The following MYO5A variants were observed in gnomAD, a reference collection of about 807,000 sequenced individuals.
MYO5A encodes the protein unconventional myosin-Va.
In MYO5A, 98 loss-of-function variants were observed where a neutral mutation model predicts 249.7. The observed-to-expected ratio is 0.39, with a 90% CI of 0.33 to 0.46. The LOEUF is 0.46. MYO5A is among the 20% of genes least tolerant of loss of function. MYO5A has a pLI of 0.98. For missense variants in MYO5A, 1,696 were observed against 2,308.8 expected (o/e 0.73, Z 5.44); for synonymous variants, 778 against 810.6 (o/e 0.96, Z 0.68).
intron 1 of MYO5A, among the ~76,000 whole-genome samples, chr15:52,523,691 G>A (rs927464016): frequency 5.9e-5 from 9 of 152,266 alleles, no homozygotes; most frequent in South Asian, 2.1e-4. Flanking sequence ...AGAAGAAGTC[G>A]AATGTGAAAG....
chr15:52,407,278 T>C lies in MYO5A; in HGVS notation c.946+14A>G, dbSNP rs1018816796. On this transcript the variant is annotated intron_variant, in intron 8 of 41. Transcript: ENST00000399233. ...GCTATTCCTCTTAAGAGCTCAAGAA[T>C]AAAGTGACATTACCTAGCAAAGTGC... The C allele has an allele frequency of 2.5e-6, 4 of 1,586,126 alleles. No individual in the cohort carries two copies. The highest frequency in any genetic ancestry group is 1.7e-5 in the Admixed American group (1 of 59,938).
intron 23 of MYO5A, among the ~76,000 whole-genome samples, chr15:52,366,379 T>C (rs2040806935): frequency 6.6e-6 from 1 of 152,050 alleles, no homozygotes; most frequent in South Asian, 2.1e-4. Flanking sequence ...ATTATTTTCA[T>C]ATAATATATC....
chr15:52,327,721 G>A, intron 36 of MYO5A, 131 bp downstream of exon 36: 1 of 955,692 alleles, frequency 1.0e-6, no homozygotes, highest in Non-Finnish European at 1.7e-6. Context: ...AAATAGATAG[G>A]TAAGTAAATA....
chr15:52,464,239 C>A (rs188290614), intron 1 of MYO5A, among the ~76,000 whole-genome samples: 5 of 152,204 alleles, frequency 3.3e-5, no homozygotes, highest in African/African-American at 1.2e-4. Flanking sequence ...CTATACTCTA[C>A]GATGTACTAT....
Position 52,449,248 on chromosome 15 carries a change from C to T in MYO5A, c.28-15963G>A, listed in dbSNP as rs566382739. 1.5e-4 allele frequency among the ~76,000 whole-genome samples: 23 copies of T among 152,156 alleles called. 1 individual carries two copies. The South Asian group carries it at 4.2e-3, about 27-fold the overall frequency. On this transcript the variant is annotated intron_variant, in intron 1 of 41. Coordinates refer to ENST00000399233, the MANE Select transcript of MYO5A (RefSeq NM_001382347.1). The stretch of plus-strand genomic sequence containing the variant: ...CCTCCCAAAGTGCTGGGATTACAGG[C>T]GTGAGCCACTGCGCCCGGCCTCAGG...
chr15:52,339,524 A>G (rs970460853), intron 32 of MYO5A, among the ~76,000 whole-genome samples: 2 of 146,612 alleles, frequency 1.4e-5, no homozygotes, highest in East Asian at 2.0e-4. Flanking sequence ...TTGGCAAAAG[A>G]AAAAAAAAAA....
rs2039628891 is a variant in MYO5A, at chr15:52,346,376, A to C, written c.3944T>G (p.Leu1315Trp). The C allele has an allele frequency of 6.3e-7, 1 of 1,596,932 alleles. No homozygotes were observed. The highest frequency in any genetic ancestry group is 8.6e-7 in the Non-Finnish European group (1 of 1,165,378). Residue 1315 changes from leucine to tryptophan, a missense_variant, in exon 30 of 42, where the codon TTG becomes TGG. Physicochemically the swap from Leu to Trp is moderately conservative, Grantham distance 61 (BLOSUM62 -2). Transcript: ENST00000399233. The part of the protein sequence containing the change: ...KGEIAQAYIG[L>W]KETNRSSALD... ...ATCAACTTACCTATTTGTTTCTTTC[A>C]AACCAATGTATGCTTGTGCTATTTC...
At chr15:52,492,489 A>G (rs1485663509) in intron 1 of MYO5A, among the ~76,000 whole-genome samples, 1 of 152,220 alleles carries the variant, frequency 6.6e-6, no homozygotes. Flanking sequence ...AACTCTGTAT[A>G]GCACTTACTA....
intron 1 of MYO5A, among the ~76,000 whole-genome samples, chr15:52,447,236 T>C (rs534525583): frequency 5.3e-5 from 8 of 152,226 alleles, no homozygotes; most frequent in African/African-American, 1.9e-4. Context: ...GTCTTCGTGA[T>C]AGTGAGTTCT....
Position 52,354,047 on chromosome 15 carries a change from C to G in MYO5A, c.3424-33G>C, listed in dbSNP as rs759606549. 5 of 1,613,376 alleles carry G rather than the reference C, an allele frequency of 3.1e-6. No individual in the cohort carries two copies. In the East Asian group the frequency reaches 1.1e-4, roughly 36 times the overall value. On this transcript the variant is annotated intron_variant, in intron 25 of 41. Coordinates refer to ENST00000399233, the MANE Select transcript of MYO5A (RefSeq NM_001382347.1). ...CCAGGAATCACAAAGATGGTCAAGA[C>G]AAGCCAGAAGACATAAAAGCCAATG...
At position 52,309,129 on chromosome 15, in the gene MYO5A, A is replaced by C. The variant is rs928819710; in HGVS notation, c.*4567T>G. The C allele has an allele frequency of 6.6e-6, 1 of 152,300 alleles. No homozygotes were observed. The highest frequency in any genetic ancestry group is 1.5e-5 in the Non-Finnish European group (1 of 68,112). The allele number at this position is 152,300 out of a possible 1,614,324, so 9.4% of individuals were successfully genotyped here. ...CTGCACAGCTCACCTGGTGGCTCCAATAAAGACTCTGATGGGTGTGGGGAG... is the reference window on the plus strand; with the variant it reads ...CTGCACAGCTCACCTGGTGGCTCCACTAAAGACTCTGATGGGTGTGGGGAG... On this transcript the variant is annotated 3_prime_UTR_variant, in exon 42 of 42. Transcript: ENST00000399233.
At chr15:52,491,153 T>C (rs138899695) in intron 1 of MYO5A, among the ~76,000 whole-genome samples, 42 of 152,352 alleles carry the variant, frequency 2.8e-4, no homozygotes, top group African/African-American at 9.6e-4. Context: ...ACATTCTAAA[T>C]ATTTATTAAA....
At chr15:52,337,513 T>C (rs143147520) in intron 33 of MYO5A, among the ~76,000 whole-genome samples, 1 of 152,362 alleles carries the variant, frequency 6.6e-6, no homozygotes, top group African/African-American at 2.4e-5. Flanking sequence ...AAGGGAACAG[T>C]TGCTATCTCT....
chr15:52,321,253 G>A, intron 38 of MYO5A, 106 bp downstream of exon 38: 1 of 1,454,444 alleles, frequency 6.9e-7, no homozygotes, highest in Non-Finnish European at 9.6e-7. Flanking sequence ...ACTACTTTAT[G>A]CTCCCCAAAT....
At chr15:52,488,903 G>A (rs1020953470) in intron 1 of MYO5A, among the ~76,000 whole-genome samples, 2 of 152,144 alleles carry the variant, frequency 1.3e-5, no homozygotes, top group Admixed American at 6.5e-5. Context: ...AACTCTCTGG[G>A]GAAAGATGAG....
At chr15:52,473,536 T>C (rs1359142796) in intron 1 of MYO5A, among the ~76,000 whole-genome samples, 1 of 152,232 alleles carries the variant, frequency 6.6e-6, no homozygotes, top group Non-Finnish European at 1.5e-5. Flanking sequence ...AGGTCTTACA[T>C]TTAAGTCTTT....
chr15:52,372,459 G>T, intron 20 of MYO5A, 96 bp from the exon 21 acceptor site: 1 of 1,504,626 alleles, frequency 6.6e-7, no homozygotes. Flanking sequence ...ATTACCTAGA[G>T]GAAAAGACAT....
chr15:52,452,544 G>A (rs899757752), intron 1 of MYO5A, among the ~76,000 whole-genome samples: 7 of 152,140 alleles, frequency 4.6e-5, no homozygotes, highest in African/African-American at 1.7e-4. Context: ...TAAACTCAGA[G>A]GAGACTCCAA....
At chr15:52,506,111 G>A (rs1185812068) in intron 1 of MYO5A, among the ~76,000 whole-genome samples, 1 of 152,118 alleles carries the variant, frequency 6.6e-6, no homozygotes, top group African/African-American at 2.4e-5. Context: ...CAGCACTTTA[G>A]GAGGCCGAGG....
Sources: allele counts gnomAD v4.1 joint callset (sites outside exome capture counted in the v4.1 genomes callset), GRCh38; gene constraint gnomAD v4.1.1; transcripts MANE v1.5; gene names NCBI Gene and HGNC (gene_info 2026-07-23, HGNC 2026-07-21).